ARIH1: variants seen among roughly 807,000 people sequenced by gnomAD.
The protein encoded by ARIH1 is E3 ubiquitin-protein ligase ARIH1.
ARIH1 carries 8 observed loss-of-function variants against 85.0 expected under a neutral mutation model. The ratio of observed to expected loss-of-function variants is 0.09; its 90% CI spans 0.06 to 0.17. The LOEUF (loss-of-function observed/expected upper bound fraction) is 0.17, where lower values mean the gene tolerates loss of function less well. Ranked by LOEUF, ARIH1 falls within the 10% of genes least tolerant of loss-of-function variation. The probability of loss-of-function intolerance (pLI) is 1.00; values close to 1 mark genes in which losing one functional copy is unlikely to be tolerated. For synonymous variants in ARIH1, 238 were observed against 253.6 expected (o/e 0.94, Z 0.59); for missense variants, 311 against 718.1 (o/e 0.43, Z 6.48).
At chr15:72,496,506 G>A (rs1440530983) in intron 1 of ARIH1, among the ~76,000 whole-genome samples, 1 of 152,202 alleles carries the variant, frequency 6.6e-6, no homozygotes, top group Non-Finnish European at 1.5e-5. Context: ...TGAAGAAACT[G>A]TGTGGCCTGG....
intron 2 of ARIH1, among the ~76,000 whole-genome samples, chr15:72,526,478 C>G (rs1450913975): frequency 6.6e-6 from 1 of 152,138 alleles, no homozygotes; most frequent in Non-Finnish European, 1.5e-5. Flanking sequence ...CCCTGCAATT[C>G]TAGTGACTCA....
chr15:72,498,494 A>T (rs1479801539), intron 1 of ARIH1, among the ~76,000 whole-genome samples: 1 of 152,160 alleles, frequency 6.6e-6, no homozygotes, highest in Non-Finnish European at 1.5e-5. Context: ...TTCAAAAGTT[A>T]TGTTTATATT....
In ARIH1 at chr15:72,583,187, TTTTTTTCTC is replaced by T; in HGVS notation, c.1590-17_1590-9del. ...ATTAGAGGCTGACAACAAGTTTTTT[TTTTTTTCTC>T]TTTGATTACAGATACTGTGAGAGTC... On this transcript the variant is annotated splice_polypyrimidine_tract_variant and intron_variant, in intron 13 of 13. Coordinates refer to ENST00000379887, the MANE Select transcript of ARIH1 (RefSeq NM_005744.5). 2 of 1,577,892 alleles carry T rather than the reference TTTTTTTCTC, an allele frequency of 1.3e-6. No individual in the cohort carries two copies. The highest frequency in any genetic ancestry group is 1.7e-6 in the Non-Finnish European group (2 of 1,161,968).
intron 1 of ARIH1, among the ~76,000 whole-genome samples, chr15:72,499,637 T>C (rs1354785563): frequency 2.0e-5 from 3 of 152,252 alleles, no homozygotes; most frequent in Non-Finnish European, 4.4e-5. Context: ...CTGTTGCTTT[T>C]TGTTTTTAAC....
intron 1 of ARIH1, among the ~76,000 whole-genome samples, chr15:72,503,477 T>G (rs2063911968): frequency 6.6e-6 from 1 of 152,202 alleles, no homozygotes; most frequent in Non-Finnish European, 1.5e-5. Context: ...ATTGGTAGCT[T>G]CTTATGATTT....
At chr15:72,478,003 C>T (rs1227696180) in intron 1 of ARIH1, among the ~76,000 whole-genome samples, 1 of 152,096 alleles carries the variant, frequency 6.6e-6, no homozygotes, top group Non-Finnish European at 1.5e-5. Context: ...ACAGGGTTTC[C>T]CCATGTTCAT....
chr15:72,600,015 A>G lies in ARIH1; in HGVS notation c.*16723A>G, dbSNP rs1315925023. The G allele has an allele frequency of 2.0e-5, 3 of 152,306 alleles. No homozygotes were observed. Among genetic ancestry groups the G allele is most frequent in the East Asian group, 3.9e-4 (2 of 5,186 alleles). The allele number at this position is 152,306 out of a possible 1,614,324, so 9.4% of individuals were successfully genotyped here. On this transcript the variant is annotated 3_prime_UTR_variant, in exon 14 of 14. Coordinates refer to ENST00000379887, the MANE Select transcript of ARIH1 (RefSeq NM_005744.5). ...GTGGTATAGGTTTTGGGAGGACTGGACACTTCCAAAGAGAAATAAGATGTT... is the reference window on the plus strand; with the variant it reads ...GTGGTATAGGTTTTGGGAGGACTGGGCACTTCCAAAGAGAAATAAGATGTT...
At chr15:72,522,878 A>T (rs1417868069) in intron 2 of ARIH1, among the ~76,000 whole-genome samples, 1 of 152,222 alleles carries the variant, frequency 6.6e-6, no homozygotes, top group African/African-American at 2.4e-5. Flanking sequence ...ACAGATGGCA[A>T]ATAAATGAAA....
rs1321858879 is a variant in ARIH1, at chr15:72,589,240, A to G, written c.*5948A>G. 6.6e-6 allele frequency: 1 copy of G among 152,226 alleles called. No homozygotes were observed. Among genetic ancestry groups the G allele is most frequent in the Non-Finnish European group, 1.5e-5 (1 of 68,042 alleles). The allele number at this position is 152,226 out of a possible 1,614,324, so 9.4% of individuals were successfully genotyped here. Reference sequence around the variant, plus strand: ...TACTCAAAAGTTACACATTGAGTGTATAACAGGGCCATGCTTGTCTGATTC... The same window carrying G: ...TACTCAAAAGTTACACATTGAGTGTGTAACAGGGCCATGCTTGTCTGATTC... On this transcript the variant is annotated 3_prime_UTR_variant, in exon 14 of 14. Coordinates refer to ENST00000379887, the MANE Select transcript of ARIH1 (RefSeq NM_005744.5).
intron 10 of ARIH1, 31 bp downstream of exon 10, chr15:72,570,338 T>A: frequency 6.2e-7 from 1 of 1,612,954 alleles, no homozygotes; most frequent in Non-Finnish European, 8.5e-7. Context: ...GAAGAATGTG[T>A]TTACATAAGT....
At chr15:72,542,702 C>T (rs1335724286) in intron 2 of ARIH1, among the ~76,000 whole-genome samples, 1 of 152,134 alleles carries the variant, frequency 6.6e-6, no homozygotes, top group Non-Finnish European at 1.5e-5. Flanking sequence ...ATTAGGGACA[C>T]ATGTCTGTGT....
chr15:72,579,853 A>G (rs1390680708), intron 11 of ARIH1, among the ~76,000 whole-genome samples: 1 of 152,208 alleles, frequency 6.6e-6, no homozygotes, highest in African/African-American at 2.4e-5. Flanking sequence ...ACATTTATGG[A>G]GTACAGTGGA....
At chr15:72,537,322 T>TA (rs1165058149) in intron 2 of ARIH1, among the ~76,000 whole-genome samples, 4 of 152,178 alleles carry the variant, frequency 2.6e-5, no homozygotes, top group Non-Finnish European at 5.9e-5. Context: ...TTTGAAAACT[T>TA]ACATTCTGCC....
intron 1 of ARIH1, among the ~76,000 whole-genome samples, chr15:72,482,971 G>T (rs771162699): frequency 6.6e-6 from 1 of 151,786 alleles, no homozygotes; most frequent in Non-Finnish European, 1.5e-5. Flanking sequence ...CTCCTGAGTA[G>T]TTGGGACTAT....
At chr15:72,553,476 C>T (rs892906127) in intron 3 of ARIH1, among the ~76,000 whole-genome samples, 6 of 152,248 alleles carry the variant, frequency 3.9e-5, no homozygotes, top group Middle Eastern at 6.8e-3. Flanking sequence ...TGTGTGCCAT[C>T]GCCATAATTT....
rs888465938 is a variant in ARIH1 at position 72,584,074 on chromosome 15, G to A, written c.*782G>A. 1.3e-5 allele frequency: 2 copies of A among 152,158 alleles called. No homozygotes were observed. The highest frequency in any genetic ancestry group is 2.9e-5 in the Non-Finnish European group (2 of 68,032). The allele number at this position is 152,158 out of a possible 1,614,324, so 9.4% of individuals were successfully genotyped here. ...TTCCCGGGTTGGGGTTGGGATAAAG[G>A]TGTGTCGGTTTAGCACCTCTGGAAG... On this transcript the variant is annotated 3_prime_UTR_variant, in exon 14 of 14. Coordinates refer to ENST00000379887, the MANE Select transcript of ARIH1 (RefSeq NM_005744.5).
intron 9 of ARIH1, among the ~76,000 whole-genome samples, chr15:72,567,788 C>G (rs1222623397): frequency 1.3e-5 from 2 of 152,152 alleles, no homozygotes; most frequent in African/African-American, 4.8e-5. Context: ...CAGTCCTATC[C>G]TATCCCCATA....
At chr15:72,568,978 C>T (rs2064232290) in intron 9 of ARIH1, among the ~76,000 whole-genome samples, 2 of 152,074 alleles carry the variant, frequency 1.3e-5, no homozygotes, top group South Asian at 4.2e-4. Context: ...AATCCATAGG[C>T]CTACAGAGCA....
chr15:72,507,611 A>T (rs1671533164), intron 1 of ARIH1, among the ~76,000 whole-genome samples: 1 of 152,112 alleles, frequency 6.6e-6, no homozygotes, highest in Non-Finnish European at 1.5e-5. Flanking sequence ...AAGCTGGAGG[A>T]TTGCATGAGC....
Sources: allele counts gnomAD v4.1 joint callset (sites outside exome capture counted in the v4.1 genomes callset), GRCh38; gene constraint gnomAD v4.1.1; transcripts MANE v1.5; gene names NCBI Gene and HGNC (gene_info 2026-07-23, HGNC 2026-07-21).